The following MEGF9 variants were observed in gnomAD, a reference collection of about 807,000 sequenced individuals.
The protein encoded by MEGF9 is multiple epidermal growth factor-like domains protein 9.
MEGF9 carries 6 observed loss-of-function variants against 46.8 expected under a neutral mutation model. The ratio of observed to expected loss-of-function variants is 0.13; its 90% CI spans 0.07 to 0.25. MEGF9 has a LOEUF of 0.25. MEGF9 is among the 10% of genes least tolerant of loss of function. The pLI, the probability that MEGF9 is intolerant of heterozygous loss-of-function variation, is 1.00. For synonymous variants in MEGF9, 302 were observed against 330.7 expected (o/e 0.91, Z 0.94); for missense variants, 683 against 792.4 (o/e 0.86, Z 1.66).
intron 2 of MEGF9, among the ~76,000 whole-genome samples, chr9:120,639,508 T>TAAAAA (rs61638928): frequency 0.01 from 1,078 of 105,128 alleles, 26 homozygotes; most frequent in African/African-American, 0.04. Flanking sequence ...ACTCCGTCTT[T>TAAAAA]AAAAAAAAAA....
chr9:120,617,177 C>G (rs900150419), intron 3 of MEGF9, among the ~76,000 whole-genome samples: 1 of 152,072 alleles, frequency 6.6e-6, no homozygotes, highest in Non-Finnish European at 1.5e-5. Flanking sequence ...TTTTTTCATG[C>G]TCCTTGACTA....
chr9:120,605,686 T>A lies in MEGF9; in HGVS notation c.1358-45A>T. 1 of 1,370,502 alleles carries A rather than the reference T, an allele frequency of 7.3e-7. No individual in the cohort carries two copies. Among genetic ancestry groups the A allele is most frequent in the Non-Finnish European group, 9.9e-7 (1 of 1,011,420 alleles). The allele number at this position is 1,370,502 out of a possible 1,614,324, so 84.9% of individuals were successfully genotyped here. ...ATGAAATGTAAAAGACAAAATTATCTAGTTTTGAGAAACAATAAAAGAAAT... is the reference window on the plus strand; with the variant it reads ...ATGAAATGTAAAAGACAAAATTATCAAGTTTTGAGAAACAATAAAAGAAAT... On this transcript the variant is annotated intron_variant, in intron 5 of 5. Transcript: ENST00000373930. The surrounding 1 kb of genome is among the most constrained non-coding windows in gnomAD (Gnocchi z 4.0).
chr9:120,609,027 AAATAAG>A (rs2043432860), intron 4 of MEGF9, among the ~76,000 whole-genome samples: 1 of 152,206 alleles, frequency 6.6e-6, no homozygotes, highest in Admixed American at 6.5e-5. Flanking sequence ...ACTTCAAAGT[AAATAAG>A]AATATGTTAC....
intron 1 of MEGF9, among the ~76,000 whole-genome samples, chr9:120,694,361 G>A (rs1472456559): frequency 1.3e-5 from 2 of 152,246 alleles, no homozygotes; most frequent in Admixed American, 1.3e-4. Context: ...GAATTGAGAG[G>A]ATTAGAGGTA....
chr9:120,649,835 CGAT>C (rs769590070), intron 2 of MEGF9, among the ~76,000 whole-genome samples: 4 of 152,026 alleles, frequency 2.6e-5, no homozygotes, highest in Non-Finnish European at 5.9e-5. Context: ...CAAGAACCTA[CGAT>C]GATGAGGAGG....
chr9:120,614,669 T>G (rs2043463369), intron 3 of MEGF9, among the ~76,000 whole-genome samples: 1 of 152,072 alleles, frequency 6.6e-6, no homozygotes, highest in South Asian at 2.1e-4. Context: ...GTTGGACACG[T>G]CAAAACCTGC....
At position 120,711,872 on chromosome 9, in the gene MEGF9, C is replaced by CA. The variant is rs756473297; in HGVS notation, c.601+1885_601+1886insT. Among the ~76,000 whole-genome samples, 350 of 121,076 alleles carry CA rather than the reference C, an allele frequency of 2.9e-3. 1 individual carries two copies. Among genetic ancestry groups the CA allele is most frequent in the African/African-American group, 0.01 (303 of 29,166 alleles). The allele number at this position is 121,076 out of a possible 152,430, so 79.4% of individuals were successfully genotyped here. A position where few individuals can be genotyped will look rare whatever the true frequency, so the allele number is the denominator to read the frequency against. On this transcript the variant is annotated intron_variant, in intron 1 of 5. Coordinates refer to ENST00000373930, the MANE Select transcript of MEGF9 (RefSeq NM_001080497.3). ...ACACACACACACACACACACACACA[C>CA]CCACAGGCCTGGTCATAAGCATAGC...
intron 1 of MEGF9, among the ~76,000 whole-genome samples, chr9:120,688,267 A>C (rs1174328506): frequency 6.6e-6 from 1 of 152,100 alleles, no homozygotes; most frequent in Non-Finnish European, 1.5e-5. Flanking sequence ...GCCAATCAAC[A>C]TGGAAAAACA....
At chr9:120,611,859 G>GAAA (rs1231403331) in intron 4 of MEGF9, among the ~76,000 whole-genome samples, 10 of 136,620 alleles carry the variant, frequency 7.3e-5, no homozygotes, top group Non-Finnish European at 1.2e-4. Flanking sequence ...AAGGAAGGAA[G>GAAA]GAAGAAAGAG....
At chr9:120,707,018 T>G (rs903584411) in intron 1 of MEGF9, among the ~76,000 whole-genome samples, 1 of 152,124 alleles carries the variant, frequency 6.6e-6, no homozygotes, top group East Asian at 1.9e-4. Flanking sequence ...TAAATGCCAA[T>G]AATATGGATT....
chr9:120,678,333 C>G (rs933815672), intron 1 of MEGF9, among the ~76,000 whole-genome samples: 1 of 152,180 alleles, frequency 6.6e-6, no homozygotes, highest in Non-Finnish European at 1.5e-5. Context: ...TGTATTGTAG[C>G]TCTAATTTTA....
At chr9:120,654,505 T>A (rs947972912) in intron 2 of MEGF9, among the ~76,000 whole-genome samples, 10 of 152,188 alleles carry the variant, frequency 6.6e-5, no homozygotes, top group Admixed American at 2.0e-4. Context: ...GTGTTCATGG[T>A]GATGTTGGTG....
rs753697149 is a variant in MEGF9, at chr9:120,713,934, C to A, written c.425G>T (p.Arg142Ile). The A allele has an allele frequency of 2.0e-5, 27 of 1,366,700 alleles. No individual in the cohort carries two copies. The highest frequency in any genetic ancestry group is 2.8e-5 in the Admixed American group (1 of 35,126). The allele number at this position is 1,366,700 out of a possible 1,614,324, so 84.7% of individuals were successfully genotyped here. A position where few individuals can be genotyped will look rare whatever the true frequency, so the allele number is the denominator to read the frequency against. Residue 142 changes from arginine to isoleucine, a missense_variant, in exon 1 of 6, where the codon AGA becomes ATA. Physicochemically the swap from Arg to Ile is moderately conservative, Grantham distance 97. Transcript: ENST00000373930. The stretch of plus-strand genomic sequence containing the variant: ...CGTCGAAAGGGTGGTCGGCGCGGGT[C>A]TGGTCGGCGCCTGAGAGGTGGTCGA... ...RTSTTSQAPT[R>I]PAPTTLSTTT... is the part of the protein sequence containing the mutation.
intron 2 of MEGF9, among the ~76,000 whole-genome samples, chr9:120,634,373 A>T (rs1469862296): frequency 2.1e-5 from 3 of 141,046 alleles, no homozygotes; most frequent in African/African-American, 7.7e-5. Flanking sequence ...ACAGTTTTTG[A>T]CTTAAAGTTT....
chr9:120,605,671 A>G lies in MEGF9; in HGVS notation c.1358-30T>C, dbSNP rs146903028. ...AAATAAAAACAGAGAATGAAATGTA[A>G]AAGACAAAATTATCTAGTTTTGAGA... On this transcript the variant is annotated intron_variant, in intron 5 of 5. Transcript: ENST00000373930. This position sits in a 1 kb window ranked among gnomAD's most constrained non-coding sequence, Gnocchi z 4.0. The G allele has an allele frequency of 6.0e-3, 8,784 of 1,462,658 alleles. 62 individuals carry two copies. Among genetic ancestry groups the G allele is most frequent in the South Asian group, 0.018 (1,333 of 75,474 alleles). 90.6% of individuals were successfully genotyped at this position (1,462,658 alleles called of 1,614,324 possible).
chr9:120,675,054 A>T (rs2043766925), intron 1 of MEGF9, among the ~76,000 whole-genome samples: 1 of 151,936 alleles, frequency 6.6e-6, no homozygotes, highest in Non-Finnish European at 1.5e-5. Context: ...AATTTTTATA[A>T]AGTTAAATAT....
At chr9:120,643,839 C>T (rs1478034333) in intron 2 of MEGF9, among the ~76,000 whole-genome samples, 3 of 151,912 alleles carry the variant, frequency 2.0e-5, no homozygotes, top group Admixed American at 1.3e-4. Context: ...GGACTACATG[C>T]ATGCACCACC....
At chr9:120,619,808 A>G (rs1308409074) in intron 3 of MEGF9, among the ~76,000 whole-genome samples, 1 of 152,238 alleles carries the variant, frequency 6.6e-6, no homozygotes, top group Non-Finnish European at 1.5e-5. Context: ...CAAAATGTTT[A>G]TCCAAATATA....
intron 2 of MEGF9, among the ~76,000 whole-genome samples, chr9:120,652,174 ACACAC>A (rs1564420800): frequency 4.4e-5 from 4 of 91,404 alleles, no homozygotes; most frequent in African/African-American, 2.2e-4. Flanking sequence ...ACACACACAC[ACACAC>A]ACAAAAAAAA....
Sources: allele counts gnomAD v4.1 joint callset (sites outside exome capture counted in the v4.1 genomes callset), GRCh38; gene constraint gnomAD v4.1.1; non-coding constraint Gnocchi (gnomAD v3.1); transcripts MANE v1.5; gene names NCBI Gene and HGNC (gene_info 2026-07-23, HGNC 2026-07-21).